The following MLIP variants were observed in gnomAD, a reference collection of about 807,000 sequenced individuals.
The protein encoded by MLIP is muscular LMNA-interacting protein.
Under a neutral mutation model 84.8 loss-of-function variants are expected in MLIP, and 79 were observed. The ratio of observed to expected loss-of-function variants is 0.93; its 90% confidence interval spans 0.78 to 1.12. The LOEUF (loss-of-function observed/expected upper bound fraction) is 1.12, where lower values mean the gene tolerates loss of function less well. Among genes scored for constraint, MLIP ranks in the 50% most tolerant of loss-of-function variants. MLIP has a pLI of 0.00. For synonymous variants in MLIP, 504 were observed against 463.0 expected (o/e 1.09, Z -1.14); for missense variants, 1,257 against 1,160.6 (o/e 1.08, Z -1.21).
intron 11 of MLIP, among the ~76,000 whole-genome samples, chr6:54,226,433 G>T (rs1305200031): frequency 1.3e-5 from 2 of 152,144 alleles, no homozygotes; most frequent in Non-Finnish European, 2.9e-5. Flanking sequence ...AAAGAGGAAA[G>T]CTCTCAAGTT....
intron 10 of MLIP, among the ~76,000 whole-genome samples, chr6:54,197,884 A>C (rs759139305): frequency 6.6e-6 from 1 of 152,168 alleles, no homozygotes; most frequent in Non-Finnish European, 1.5e-5. Context: ...GATGTAACAA[A>C]TTAAATTGTT....
chr6:54,241,867 C>T (rs1781759259), intron 12 of MLIP, among the ~76,000 whole-genome samples: 1 of 152,064 alleles, frequency 6.6e-6, no homozygotes, highest in Admixed American at 6.6e-5. Context: ...ATTTTCAGTT[C>T]AATTATTTGC....
chr6:54,172,501 A>T (rs1049821223), intron 9 of MLIP, among the ~76,000 whole-genome samples: 4 of 151,622 alleles, frequency 2.6e-5, no homozygotes, highest in Non-Finnish European at 5.9e-5. Context: ...AAAATAGTAA[A>T]TGAGAAAGAC....
At chr6:54,251,279 A>C (rs531503226) in intron 12 of MLIP, among the ~76,000 whole-genome samples, 10 of 151,358 alleles carry the variant, frequency 6.6e-5, no homozygotes, top group Middle Eastern at 6.8e-3. Context: ...GCCTGTCATA[A>C]ATGCAGAATC....
chr6:54,173,121 T>C (rs1775937237), intron 9 of MLIP, among the ~76,000 whole-genome samples: 1 of 151,724 alleles, frequency 6.6e-6, no homozygotes, highest in Non-Finnish European at 1.5e-5. Context: ...CTATCTCATT[T>C]AAACCATATA....
intron 1 of MLIP, among the ~76,000 whole-genome samples, chr6:54,118,792 A>T (rs1198811515): frequency 6.6e-6 from 1 of 152,216 alleles, no homozygotes; most frequent in African/African-American, 2.4e-5. Flanking sequence ...TAACCAAAAA[A>T]TATTAAAAAA....
At chr6:54,179,943 C>G (rs961888903) in intron 9 of MLIP, among the ~76,000 whole-genome samples, 1 of 152,072 alleles carries the variant, frequency 6.6e-6, no homozygotes, top group African/African-American at 2.4e-5. Flanking sequence ...TCTTTTCTTT[C>G]AAATTGAAGA....
chr6:54,036,241 GTTT>G (rs10558454), intron 1 of MLIP, among the ~76,000 whole-genome samples: 8,574 of 141,608 alleles, frequency 0.061, 264 homozygotes, highest in South Asian at 0.1. Context: ...AGTCACCACT[GTTT>G]TTTTTTTTTT....
At chr6:54,071,371 C>T (rs944477553) in intron 1 of MLIP, among the ~76,000 whole-genome samples, 4 of 151,988 alleles carry the variant, frequency 2.6e-5, no homozygotes, top group African/African-American at 9.7e-5. Context: ...ATTCATATTG[C>T]ATAGTATTGC....
intron 1 of MLIP, among the ~76,000 whole-genome samples, chr6:54,086,264 T>C (rs968246945): frequency 2.6e-5 from 4 of 152,168 alleles, no homozygotes; most frequent in Non-Finnish European, 5.9e-5. Context: ...TATGTTTAAA[T>C]TCTAGGCTCA....
chr6:54,026,714 AGTGTGTGTGT>A (rs61442646), intron 1 of MLIP, among the ~76,000 whole-genome samples: 3 of 149,804 alleles, frequency 2.0e-5, no homozygotes, highest in Non-Finnish European at 4.5e-5. Flanking sequence ...CTGTGTCTTC[AGTGTGTGTGT>A]GTGTGTGTGT....
intron 1 of MLIP, among the ~76,000 whole-genome samples, chr6:54,052,537 C>T (rs9474717): frequency 2.3e-4 from 35 of 152,218 alleles, no homozygotes; most frequent in African/African-American, 7.9e-4. Context: ...TTTTCTTTTA[C>T]ACAAAATAAC....
In MLIP at chr6:54,022,553, T is replaced by G. The variant is rs200094963; in HGVS notation, c.63+3462T>G. Among the ~76,000 whole-genome samples the G allele has an allele frequency of 3.3e-5, 5 of 152,354 alleles. No individual in the cohort carries two copies. In the East Asian group the frequency reaches 7.7e-4, roughly 23 times the overall value. The stretch of plus-strand genomic sequence containing the variant: ...TTTAAGAAATAGGTACTAGTTTCTA[T>G]GTATTATGTTAAGTAAAACTAAGAC... On this transcript the variant is annotated intron_variant, in intron 1 of 12. Coordinates refer to the MLIP transcript ENST00000274897.
At chr6:54,083,585 T>G (rs1029171051) in intron 1 of MLIP, 7 of 1,535,934 alleles carry the variant, frequency 4.6e-6, no homozygotes, top group African/African-American at 1.4e-5. Flanking sequence ...CCGGATTCCA[T>G]GTGCAGCTGG....
chr6:54,091,888 G>A (rs1767897690), intron 1 of MLIP, among the ~76,000 whole-genome samples: 1 of 152,026 alleles, frequency 6.6e-6, no homozygotes, highest in South Asian at 2.1e-4. Flanking sequence ...TATGATTTCT[G>A]CTATTAATTC....
chr6:54,070,340 C>A (rs868085106), intron 1 of MLIP, among the ~76,000 whole-genome samples: 6 of 152,256 alleles, frequency 3.9e-5, no homozygotes, highest in Non-Finnish European at 7.4e-5. Flanking sequence ...ACCTCCCCCC[C>A]ATGTTTAATG....
At position 54,137,087 on chromosome 6, in the gene MLIP, G is replaced by C; in HGVS notation, c.1018G>C (p.Gly340Arg). ...TTLTSHVLSHGESPRTSSSPP... is the reference protein window; with the variant it reads ...TTLTSHVLSHRESPRTSSSPP... ...TTTAACCTCGCATGTCCTTAGTCAC[G>C]GAGAAAGTCCGAGAACCTCTTCTTC... is the stretch of plus-strand genomic sequence containing the variant. The change falls in exon 4 of 14, where the codon GGA becomes CGA. Residue 340 changes from glycine to arginine, a missense_variant. Physicochemically the swap from Gly to Arg is moderately radical, Grantham distance 125 (BLOSUM62 -2). Transcript: ENST00000502396. 3 of 1,535,978 alleles carry C rather than the reference G, an allele frequency of 2.0e-6. No individual in the cohort carries two copies. The highest frequency in any genetic ancestry group is 2.6e-6 in the Non-Finnish European group (3 of 1,146,874).
chr6:54,228,180 CAAAAAAAAAAA>C lies in MLIP; in HGVS notation c.2719-2510_2719-2500del, dbSNP rs869112313. On this transcript the variant is annotated intron_variant, in intron 11 of 13. Coordinates refer to ENST00000502396, the MANE Select transcript of MLIP (RefSeq NM_001281747.2). ...CCTGGGCGACAGAGGGAGACTGTCT[CAAAAAAAAAAA>C]AAAAAAAAAAAAAAAAAAAAAAAGA... Among the ~76,000 whole-genome samples, 29 of 75,810 alleles carry C rather than the reference CAAAAAAAAAAA, an allele frequency of 3.8e-4. 4 individuals are homozygous for C. Among genetic ancestry groups the C allele is most frequent in the African/African-American group, 1.1e-3 (24 of 21,014 alleles). 49.7% of individuals were successfully genotyped at this position (75,810 alleles called of 152,430 possible). A position where few individuals can be genotyped will look rare whatever the true frequency, so the allele number is the denominator to read the frequency against.
chr6:54,220,705 G>A (rs1468002278), intron 11 of MLIP, among the ~76,000 whole-genome samples: 1 of 150,026 alleles, frequency 6.7e-6, no homozygotes, highest in Non-Finnish European at 1.5e-5. Context: ...AGTGACATTT[G>A]AAATATATGA....
Sources: gnomAD v4.1 joint callset for allele counts (sites outside exome capture counted in the v4.1 genomes callset) on GRCh38, gnomAD v4.1.1 for gene constraint, MANE v1.5 for transcripts, NCBI Gene and HGNC (gene_info 2026-07-23, HGNC 2026-07-21) for gene names.